Variants in TNFSF12 observed in about 807,000 individuals in gnomAD.
The protein encoded by TNFSF12 is tumor necrosis factor ligand superfamily member 12.
A neutral mutation model predicts 31.2 loss-of-function variants in TNFSF12; 16 were observed. The ratio of observed to expected loss-of-function variants is 0.51; its 90% confidence interval spans 0.35 to 0.78. The LOEUF is 0.78. Among genes scored for constraint, TNFSF12 ranks in the 30% least tolerant of loss-of-function variants. The pLI, the probability that TNFSF12 is intolerant of heterozygous loss-of-function variation, is 0.01. For missense variants in TNFSF12, 324 were observed against 338.8 expected (o/e 0.96, Z 0.34); for synonymous variants, 150 against 151.4 (o/e 0.99, Z 0.07).
chr17:7,549,066 G>C lies in TNFSF12; in HGVS notation c.-88G>C, dbSNP rs8074608. On this transcript the variant is annotated 5_prime_UTR_variant, in exon 1 of 7. Transcript: ENST00000293825. The surrounding 1 kb of genome is among the most constrained non-coding windows in gnomAD (Gnocchi z 4.1). ...GTTTCCCTTGCCCCTCCCTCTCCCC[G>C]GCCCGATCCGCCCGCCGGCTCCCCC... 13 of 730,604 alleles carry C rather than the reference G, an allele frequency of 1.8e-5. No individual in the cohort carries two copies. Among genetic ancestry groups the C allele is most frequent in the East Asian group, 1.0e-4 (1 of 9,864 alleles). 45.3% of individuals were successfully genotyped at this position (730,604 alleles called of 1,614,324 possible).
Position 7,556,782 on chromosome 17 carries a change from G to GGAC in TNFSF12, c.380_382dup (p.Asp127dup). The GGAC allele has an allele frequency of 6.5e-7, 1 of 1,528,234 alleles. No homozygotes were observed. The highest frequency in any genetic ancestry group is 8.8e-7 in the Non-Finnish European group (1 of 1,136,648). The allele number at this position is 1,528,234 out of a possible 1,614,324, so 94.7% of individuals were successfully genotyped here. Reference sequence around the variant, plus strand: ...TCTCTGAGCATCCGTGTTCAGGTGTGGACGGGACAGTGAGTGGCTGGGAGG... The same window carrying GGAC: ...TCTCTGAGCATCCGTGTTCAGGTGTGGACGACGGGACAGTGAGTGGCTGGGAGG... On this transcript the variant is annotated inframe_insertion, in exon 6 of 7. Coordinates refer to ENST00000293825, the MANE Select transcript of TNFSF12 (RefSeq NM_003809.3).
At position 7,555,982 on chromosome 17, in the gene TNFSF12, G is replaced by GTTTT. The variant is rs1167470187; in HGVS notation, c.374-784_374-781dup. Among the ~76,000 whole-genome samples the GTTTT allele has an allele frequency of 1.7e-3, 197 of 117,754 alleles. 12 individuals carry two copies. In the East Asian group the frequency reaches 0.024, roughly 14 times the overall value. 77.3% of individuals were successfully genotyped at this position (117,754 alleles called of 152,430 possible). ...AAAATGCCCAGTGAGCGTTTTTTTT[G>GTTTT]TTTTTTTTTTTTTTTGGAGACAGAG... On this transcript the variant is annotated intron_variant, in intron 5 of 6. Transcript: ENST00000293825.
Position 7,549,583 on chromosome 17 carries a change from C to T in TNFSF12, c.207+62C>T. On this transcript the variant is annotated intron_variant, in intron 2 of 6. Coordinates refer to ENST00000293825, the MANE Select transcript of TNFSF12 (RefSeq NM_003809.3). The surrounding 1 kb of genome is among the most constrained non-coding windows in gnomAD (Gnocchi z 4.1). ...GCATGGGAAGTGTGCACAGCCGAGGCTGCAGGTGTGTGCAGCTGTGCCAGC... is the reference window on the plus strand; with the variant it reads ...GCATGGGAAGTGTGCACAGCCGAGGTTGCAGGTGTGTGCAGCTGTGCCAGC... 6.8e-7 allele frequency: 1 copy of T among 1,477,052 alleles called. No homozygotes were observed. Among genetic ancestry groups the T allele is most frequent in the Non-Finnish European group, 9.0e-7 (1 of 1,108,112 alleles). The allele number at this position is 1,477,052 out of a possible 1,614,324, so 91.5% of individuals were successfully genotyped here. A position where few individuals can be genotyped will look rare whatever the true frequency, so the allele number is the denominator to read the frequency against.
intron 6 of TNFSF12, 92 bp downstream of exon 6, chr17:7,556,994 T>G (rs1597829066): frequency 1.3e-6 from 2 of 1,524,584 alleles, no homozygotes; most frequent in Admixed American, 2.0e-5. Context: ...GCTGGGAGGG[T>G]GAGTTGGGGT....
At chr17:7,553,272 C>T (rs528948962) in intron 5 of TNFSF12, among the ~76,000 whole-genome samples, 29 of 152,182 alleles carry the variant, frequency 1.9e-4, no homozygotes, top group African/African-American at 7.0e-4. Flanking sequence ...TGGTCTCAAA[C>T]TCCCGACCTC....
In TNFSF12 at chr17:7,549,475, A is replaced by G; in HGVS notation, c.161A>G (p.Glu54Gly). ...GTGACGCTCCCTCCTTCCCAGCAGG[A>G]GCCTGCCCAGGAGGAGCTGGTGGCA... is the stretch of plus-strand genomic sequence containing the variant. ...LGSRASLSAQ[E>G]PAQEELVAEE... Residue 54 changes from glutamate to glycine, a missense_variant and splice_region_variant, in exon 2 of 7, where the codon GAG becomes GGG. Coordinates refer to ENST00000293825, the MANE Select transcript of TNFSF12 (RefSeq NM_003809.3). The surrounding 1 kb of genome is among the most constrained non-coding windows in gnomAD (Gnocchi z 4.1). 1 of 1,532,082 alleles carries G rather than the reference A, an allele frequency of 6.5e-7. No individual in the cohort carries two copies. Among genetic ancestry groups the G allele is most frequent in the Admixed American group, 2.0e-5 (1 of 50,334 alleles). 94.9% of individuals were successfully genotyped at this position (1,532,082 alleles called of 1,614,324 possible).
At position 7,549,123 on chromosome 17, in the gene TNFSF12, G is replaced by A. The variant is rs576176147; in HGVS notation, c.-31G>A. 1.3e-5 allele frequency: 16 copies of A among 1,246,852 alleles called. No homozygotes were observed. Among genetic ancestry groups the A allele is most frequent in the African/African-American group, 3.1e-5 (2 of 64,130 alleles). The allele number at this position is 1,246,852 out of a possible 1,614,324, so 77.2% of individuals were successfully genotyped here. On this transcript the variant is annotated 5_prime_UTR_variant, in exon 1 of 7. Transcript: ENST00000293825. This position sits in a 1 kb window ranked among gnomAD's most constrained non-coding sequence, Gnocchi z 4.1. ...GATCCCTCGGGTCCCGGGATGGGGG[G>A]GCGGTGAGGCAGGCACAGCCCCCCG...
In TNFSF12 at chr17:7,549,245, C is replaced by A; in HGVS notation, c.92C>A (p.Ala31Glu). ...LVPLALGLGL[A>E]LACLGLLLAV... is the part of the protein sequence containing the mutation. ...CCGCTCGCGCTGGGCCTGGGCCTGG[C>A]GCTGGCCTGCCTCGGCCTCCTGCTG... Residue 31 changes from alanine to glutamate, a missense_variant, in exon 1 of 7, where the codon GCG becomes GAG. Ala to Glu is a moderately radical substitution (Grantham distance 107). Transcript: ENST00000293825. This position sits in a 1 kb window ranked among gnomAD's most constrained non-coding sequence, Gnocchi z 4.1. The A allele has an allele frequency of 7.2e-7, 1 of 1,394,252 alleles. No homozygotes were observed. Among genetic ancestry groups the A allele is most frequent in the Non-Finnish European group, 9.3e-7 (1 of 1,078,370 alleles). The allele number at this position is 1,394,252 out of a possible 1,614,324, so 86.4% of individuals were successfully genotyped here.
intron 5 of TNFSF12, chr17:7,553,850 G>A (rs2071027830): frequency 9.0e-7 from 1 of 1,107,644 alleles, no homozygotes; most frequent in Non-Finnish European, 1.1e-6. Flanking sequence ...TTGCTGGGGG[G>A]AGATGAGGGA....
At chr17:7,552,445 A>G (rs1298628302) in intron 5 of TNFSF12, among the ~76,000 whole-genome samples, 1 of 150,576 alleles carries the variant, frequency 6.6e-6, no homozygotes, top group Non-Finnish European at 1.5e-5. Flanking sequence ...CTCCTGTCTC[A>G]GCCTCCCAAG....
chr17:7,550,890 C>A lies in TNFSF12; in HGVS notation c.337+38C>A. ...TGAGCCATACCCAGGAGGAGAGGGG[C>A]AGGTGGCAGAGGGTCAGGGCAGGTC... On this transcript the variant is annotated intron_variant, in intron 4 of 6. Coordinates refer to ENST00000293825, the MANE Select transcript of TNFSF12 (RefSeq NM_003809.3). The surrounding 1 kb of genome is among the most constrained non-coding windows in gnomAD (Gnocchi z 4.4). 1 of 1,613,830 alleles carries A rather than the reference C, an allele frequency of 6.2e-7. No individual in the cohort carries two copies. The highest frequency in any genetic ancestry group is 8.5e-7 in the Non-Finnish European group (1 of 1,179,822).
intron 5 of TNFSF12, among the ~76,000 whole-genome samples, chr17:7,555,541 G>A (rs916391172): frequency 2.0e-5 from 3 of 152,184 alleles, no homozygotes; most frequent in Admixed American, 6.5e-5. Context: ...GAGGCGAGGC[G>A]GGCTTACGTC....
chr17:7,556,259 G>GC (rs1158132772), intron 5 of TNFSF12, among the ~76,000 whole-genome samples: 2 of 152,094 alleles, frequency 1.3e-5, no homozygotes, highest in Admixed American at 1.3e-4. Context: ...GGGATGACAG[G>GC]CGTGAGCCAC....
rs1466409546 is a variant in TNFSF12, at chr17:7,549,537, C to T, written c.207+16C>T. The T allele has an allele frequency of 6.5e-7, 1 of 1,542,392 alleles. No homozygotes were observed. Among genetic ancestry groups the T allele is most frequent in the Non-Finnish European group, 8.8e-7 (1 of 1,141,008 alleles). ...GGACCCGTCGGTGAGTGGGCGTGGG[C>T]GCGGTCTGCAGGCTGCTGGGGCATG... On this transcript the variant is annotated intron_variant, in intron 2 of 6. Transcript: ENST00000293825. The surrounding 1 kb of genome is among the most constrained non-coding windows in gnomAD (Gnocchi z 4.1).
chr17:7,555,269 C>G (rs756316892), intron 5 of TNFSF12, among the ~76,000 whole-genome samples: 3 of 152,150 alleles, frequency 2.0e-5, no homozygotes, highest in Non-Finnish European at 4.4e-5. Flanking sequence ...CCCTGCATCG[C>G]AAGGTGCCGC....
intron 5 of TNFSF12, 78 bp from the exon 6 acceptor site, chr17:7,556,700 T>C (rs2071071988): frequency 7.3e-7 from 1 of 1,378,372 alleles, no homozygotes; most frequent in South Asian, 2.2e-5. Flanking sequence ...CGAATGTTCA[T>C]ATGCTCAATG....
chr17:7,549,973 C>A lies in TNFSF12; in HGVS notation c.208-147C>A, dbSNP rs1176247633. ...CCTGACTCCCAGCTTCACCTTTGCC[C>A]GGGGCCCCAGCTGTAGTTGGCTGAG... is the stretch of plus-strand genomic sequence containing the variant. On this transcript the variant is annotated intron_variant, in intron 2 of 6. Coordinates refer to ENST00000293825, the MANE Select transcript of TNFSF12 (RefSeq NM_003809.3). This position sits in a 1 kb window ranked among gnomAD's most constrained non-coding sequence, Gnocchi z 4.1. The A allele has an allele frequency of 2.3e-6, 3 of 1,287,222 alleles. No individual in the cohort carries two copies. In the Admixed American group the frequency reaches 6.0e-5, roughly 26 times the overall value. 79.7% of individuals were successfully genotyped at this position (1,287,222 alleles called of 1,614,324 possible).
chr17:7,553,026 T>TCTTTTC (rs1567721068), intron 5 of TNFSF12, among the ~76,000 whole-genome samples: 29 of 8,036 alleles, frequency 3.6e-3, no homozygotes, highest in Admixed American at 7.7e-3. Flanking sequence ...GGACAACCTT[T>TCTTTTC]TTTTTTTTTT....
At chr17:7,552,038 G>A (rs1283735458) in intron 5 of TNFSF12, among the ~76,000 whole-genome samples, 2 of 152,020 alleles carry the variant, frequency 1.3e-5, no homozygotes, top group Non-Finnish European at 2.9e-5. Flanking sequence ...TGCCCGCCTC[G>A]GCCTACCAAA....
Sources: allele counts gnomAD v4.1 joint callset (sites outside exome capture counted in the v4.1 genomes callset), GRCh38; gene constraint gnomAD v4.1.1; non-coding constraint Gnocchi (gnomAD v3.1); transcripts MANE v1.5; gene names NCBI Gene and HGNC (gene_info 2026-07-23, HGNC 2026-07-21).